The following ADAMTS3 variants were observed in gnomAD, a reference collection of about 807,000 sequenced individuals.
ADAMTS3 encodes the protein A disintegrin and metalloproteinase with thrombospondin motifs 3.
Under a neutral mutation model 129.0 loss-of-function variants are expected in ADAMTS3, and 73 were observed. The observed-to-expected ratio is 0.57, with a 90% confidence interval of 0.47 to 0.69. The LOEUF (loss-of-function observed/expected upper bound fraction) is 0.69. Ranked by LOEUF, ADAMTS3 falls within the 30% of genes least tolerant of loss-of-function variation. The pLI, the probability that ADAMTS3 is intolerant of heterozygous loss-of-function variation, is 0.00. For synonymous variants in ADAMTS3, 477 were observed against 510.8 expected (o/e 0.93, Z 0.89); for missense variants, 1,457 against 1,514.5 (o/e 0.96, Z 0.63).
chr4:72,407,169 C>T lies in ADAMTS3; in HGVS notation c.661+7646G>A, dbSNP rs571518838. Among the ~76,000 whole-genome samples the T allele has an allele frequency of 5.3e-5, 8 of 152,064 alleles. No individual in the cohort carries two copies. In the East Asian group the frequency reaches 1.5e-3, roughly 29 times the overall value. ...AAGGGCTTCCCATGAGACCTAGAAG[C>T]CAAGGCCAGGCATACTAAATGAGGA... On this transcript the variant is annotated intron_variant, in intron 4 of 21. Transcript: ENST00000286657.
chr4:72,554,678 C>T (rs1383933), intron 2 of ADAMTS3, among the ~76,000 whole-genome samples: 4,243 of 151,762 alleles, frequency 0.028, 337 homozygotes, highest in African/African-American at 0.099. Flanking sequence ...TCAAACTAAC[C>T]CCTTTTCTTC....
chr4:72,435,249 T>C (rs538226024), intron 3 of ADAMTS3, among the ~76,000 whole-genome samples: 2 of 151,958 alleles, frequency 1.3e-5, no homozygotes, highest in Admixed American at 1.3e-4. Context: ...GCTGGGAATA[T>C]GTGCCTTTTT....
At chr4:72,392,767 AT>A (rs1721629999) in intron 4 of ADAMTS3, among the ~76,000 whole-genome samples, 1 of 152,128 alleles carries the variant, frequency 6.6e-6, no homozygotes. Context: ...CCTAAAACAA[AT>A]TTTTTTCACT....
chr4:72,333,542 C>T (rs1376677145), intron 5 of ADAMTS3, among the ~76,000 whole-genome samples: 1 of 152,058 alleles, frequency 6.6e-6, no homozygotes, highest in Non-Finnish European at 1.5e-5. Flanking sequence ...CTTCATTGTC[C>T]CTAGGCCTCT....
rs574316806 is a variant in ADAMTS3, at chr4:72,538,713, GA to G, written c.504+9764del. 5.8e-4 allele frequency among the ~76,000 whole-genome samples: 88 copies of G among 151,854 alleles called. 1 individual carries two copies. Among genetic ancestry groups the G allele is most frequent in the African/African-American group, 2.1e-3 (85 of 41,428 alleles). ...ACCCAAATCACCAAAACAAACCTGA[GA>G]AAAAAAGAAGCATAAAGCTGGAGGA... On this transcript the variant is annotated intron_variant, in intron 3 of 21. Transcript: ENST00000286657.
At chr4:72,326,163 A>C (rs1719693025) in intron 5 of ADAMTS3, among the ~76,000 whole-genome samples, 1 of 152,178 alleles carries the variant, frequency 6.6e-6, no homozygotes, top group African/African-American at 2.4e-5. Context: ...TGAGATTCAC[A>C]AAGTATACAT....
chr4:72,392,128 T>C (rs1165604445), intron 4 of ADAMTS3, among the ~76,000 whole-genome samples: 2 of 152,258 alleles, frequency 1.3e-5, no homozygotes, highest in East Asian at 3.9e-4. Context: ...AGTGACCCCT[T>C]AGACCTCACT....
chr4:72,287,228 T>C (rs1287441016), intron 21 of ADAMTS3, among the ~76,000 whole-genome samples: 1 of 152,098 alleles, frequency 6.6e-6, no homozygotes, highest in East Asian at 1.9e-4. Context: ...GCCTTGATCA[T>C]GGGCTTCTAG....
At chr4:72,530,224 A>C (rs1373905472) in intron 3 of ADAMTS3, among the ~76,000 whole-genome samples, 2 of 78,348 alleles carry the variant, frequency 2.6e-5, no homozygotes, top group African/African-American at 1.0e-4. Flanking sequence ...TAATATATAT[A>C]TATTATATAT....
At chr4:72,309,683 A>AC (rs1719180705) in intron 14 of ADAMTS3, among the ~76,000 whole-genome samples, 163 bp from the exon 15 acceptor site, 1 of 152,042 alleles carries the variant, frequency 6.6e-6, no homozygotes, top group African/African-American at 2.4e-5. Flanking sequence ...TTTTTAAAAA[A>AC]AATAATGGGA....
At chr4:72,561,142 G>C (rs1265003682) in intron 2 of ADAMTS3, among the ~76,000 whole-genome samples, 2 of 152,118 alleles carry the variant, frequency 1.3e-5, no homozygotes, top group Non-Finnish European at 2.9e-5. Flanking sequence ...CACAAGGTCA[G>C]GAGTTCAGGA....
intron 9 of ADAMTS3, among the ~76,000 whole-genome samples, chr4:72,319,072 A>G (rs889198763): frequency 1.6e-4 from 25 of 152,194 alleles, no homozygotes; most frequent in African/African-American, 6.0e-4. Context: ...AAGTTTGACC[A>G]TTAATCAAAG....
At chr4:72,340,571 A>C (rs1176679140) in intron 4 of ADAMTS3, among the ~76,000 whole-genome samples, 1 of 152,094 alleles carries the variant, frequency 6.6e-6, no homozygotes, top group Non-Finnish European at 1.5e-5. Flanking sequence ...TCAAAGAAAA[A>C]TAAAAGTAAA....
chr4:72,507,240 C>T (rs1340777793), intron 3 of ADAMTS3, among the ~76,000 whole-genome samples: 1 of 152,104 alleles, frequency 6.6e-6, no homozygotes, highest in East Asian at 1.9e-4. Context: ...TATGCCTGCC[C>T]AGCTTCCCTT....
chr4:72,550,802 G>A (rs1034117932), intron 2 of ADAMTS3, among the ~76,000 whole-genome samples: 1 of 152,142 alleles, frequency 6.6e-6, no homozygotes, highest in Non-Finnish European at 1.5e-5. Context: ...TGACAGAGGG[G>A]AAAGTTTCCA....
At chr4:72,508,113 A>G (rs1720211056) in intron 3 of ADAMTS3, among the ~76,000 whole-genome samples, 1 of 152,202 alleles carries the variant, frequency 6.6e-6, no homozygotes, top group Non-Finnish European at 1.5e-5. Context: ...GGCAATAAAC[A>G]AACACATGCA....
At chr4:72,472,428 A>T (rs559533212) in intron 3 of ADAMTS3, among the ~76,000 whole-genome samples, 1 of 152,294 alleles carries the variant, frequency 6.6e-6, no homozygotes, top group East Asian at 1.9e-4. Context: ...AAAGACACAT[A>T]AACAGTGCTT....
intron 3 of ADAMTS3, among the ~76,000 whole-genome samples, chr4:72,517,574 T>G: frequency 6.6e-6 from 1 of 152,044 alleles, no homozygotes. Flanking sequence ...GGAGGGTGTA[T>G]GTGTCAAGGA....
At chr4:72,381,614 T>C (rs1721289991) in intron 4 of ADAMTS3, among the ~76,000 whole-genome samples, 1 of 152,290 alleles carries the variant, frequency 6.6e-6, no homozygotes, top group East Asian at 1.9e-4. Flanking sequence ...CAGATGAAGA[T>C]TCTATAGCCT....
Sources: allele counts gnomAD v4.1 joint callset (sites outside exome capture counted in the v4.1 genomes callset), GRCh38; gene constraint gnomAD v4.1.1; transcripts MANE v1.5; gene names NCBI Gene and HGNC (gene_info 2026-07-23, HGNC 2026-07-21).